MVB12B: variants seen among roughly 807,000 people sequenced by gnomAD.
MVB12B encodes ESCRT-I complex subunit MVB12B.
A neutral mutation model predicts 41.6 loss-of-function variants in MVB12B; 16 were observed. The observed-to-expected ratio is 0.38, with a 90% confidence interval of 0.26 to 0.58. The LOEUF is 0.58. Ranked by LOEUF, MVB12B falls within the 20% of genes least tolerant of loss-of-function variation. MVB12B has a pLI of 0.62. For synonymous variants in MVB12B, 133 were observed against 139.7 expected (o/e 0.95, Z 0.34); for missense variants, 274 against 380.2 (o/e 0.72, Z 2.32).
At chr9:126,433,332 C>A (rs1437351433) in intron 7 of MVB12B, among the ~76,000 whole-genome samples, 1 of 149,804 alleles carries the variant, frequency 6.7e-6, no homozygotes, top group Non-Finnish European at 1.5e-5. Flanking sequence ...CACCAGGTAT[C>A]CCCTTTGATA....
intron 7 of MVB12B, 31 bp downstream of exon 7, chr9:126,421,979 C>CTGTGTAT (rs749571023): frequency 1.3e-6 from 2 of 1,536,798 alleles, no homozygotes; most frequent in Non-Finnish European, 1.8e-6. Flanking sequence ...AGGCCAGCTA[C>CTGTGTAT]AGAGTCTGTG....
At chr9:126,345,277 G>C (rs756705114) in intron 2 of MVB12B, among the ~76,000 whole-genome samples, 1 of 152,170 alleles carries the variant, frequency 6.6e-6, no homozygotes, top group African/African-American at 2.4e-5. Context: ...CTGCATCCTG[G>C]TCTTAGACTA....
At chr9:126,456,635 T>A (rs1832990707) in intron 7 of MVB12B, among the ~76,000 whole-genome samples, 1 of 152,142 alleles carries the variant, frequency 6.6e-6, no homozygotes, top group Non-Finnish European at 1.5e-5. Flanking sequence ...AAAGACTGCC[T>A]GAGAGTGGGA....
At chr9:126,493,385 G>A (rs867030348) in intron 9 of MVB12B, among the ~76,000 whole-genome samples, 12 of 151,966 alleles carry the variant, frequency 7.9e-5, no homozygotes, top group African/African-American at 1.9e-4. Flanking sequence ...TCTTGATTCC[G>A]TTCTGCTCTG....
At chr9:126,431,488 C>T (rs1278343923) in intron 7 of MVB12B, among the ~76,000 whole-genome samples, 1 of 152,122 alleles carries the variant, frequency 6.6e-6, no homozygotes, top group East Asian at 1.9e-4. Context: ...TTCCTGTGCC[C>T]CATGGGTAGG....
intron 9 of MVB12B, among the ~76,000 whole-genome samples, chr9:126,496,752 C>A (rs1346536802): frequency 6.6e-6 from 1 of 152,116 alleles, no homozygotes; most frequent in Non-Finnish European, 1.5e-5. Context: ...GGATGTGGGG[C>A]TCAGGGCTCT....
intron 6 of MVB12B, among the ~76,000 whole-genome samples, chr9:126,400,531 C>G (rs1234756838): frequency 6.6e-6 from 1 of 152,168 alleles, no homozygotes; most frequent in Non-Finnish European, 1.5e-5. Flanking sequence ...CTCTCCCCAC[C>G]TACAGAAATT....
intron 5 of MVB12B, among the ~76,000 whole-genome samples, chr9:126,393,569 T>C (rs982813127): frequency 6.6e-6 from 1 of 152,198 alleles, no homozygotes; most frequent in African/African-American, 2.4e-5. Flanking sequence ...GGAAGTAGGA[T>C]CAGCTCCATT....
At chr9:126,398,519 A>G (rs1831182175) in intron 6 of MVB12B, among the ~76,000 whole-genome samples, 1 of 152,198 alleles carries the variant, frequency 6.6e-6, no homozygotes, top group Admixed American at 6.5e-5. Flanking sequence ...TACTTTTTAC[A>G]TAGGTGATAT....
chr9:126,376,943 C>A lies in MVB12B; in HGVS notation c.205-4121C>A, dbSNP rs1191436112. Among the ~76,000 whole-genome samples, 1 of 148,566 alleles carries A rather than the reference C, an allele frequency of 6.7e-6. No homozygotes were observed. Among genetic ancestry groups the A allele is most frequent in the Non-Finnish European group, 1.5e-5 (1 of 67,150 alleles). On this transcript the variant is annotated intron_variant, in intron 2 of 9. Coordinates refer to ENST00000361171, the MANE Select transcript of MVB12B (RefSeq NM_033446.3). This position sits in a 1 kb window ranked among gnomAD's most constrained non-coding sequence, Gnocchi z 4.1. Reference sequence around the variant, plus strand: ...CCCACCCCAATGGTGTCTGGTGATTCTGGATCCTGGGGCTCTGCTCAGTAT... The same window carrying A: ...CCCACCCCAATGGTGTCTGGTGATTATGGATCCTGGGGCTCTGCTCAGTAT...
intron 6 of MVB12B, among the ~76,000 whole-genome samples, chr9:126,419,799 G>C (rs981331559): frequency 2.6e-5 from 4 of 152,146 alleles, no homozygotes; most frequent in Non-Finnish European, 4.4e-5. Context: ...ATAGATTTCT[G>C]GGCTGCACCC....
chr9:126,469,188 A>T (rs185609716), intron 7 of MVB12B, among the ~76,000 whole-genome samples: 57 of 152,226 alleles, frequency 3.7e-4, no homozygotes, highest in African/African-American at 1.3e-3. Flanking sequence ...AAAAATAAAA[A>T]AATAATATTC....
chr9:126,338,854 A>G (rs999899064), intron 1 of MVB12B, among the ~76,000 whole-genome samples: 1 of 152,210 alleles, frequency 6.6e-6, no homozygotes, highest in Non-Finnish European at 1.5e-5. Flanking sequence ...ACATGCACTA[A>G]GTAAATATTC....
At chr9:126,413,989 A>G (rs7036323) in intron 6 of MVB12B, among the ~76,000 whole-genome samples, 149,254 of 152,296 alleles carry the variant, frequency 0.98, 73,216 homozygotes, top group Middle Eastern at 1. Context: ...GGGCAGAACC[A>G]TCTTCATTAT....
At chr9:126,441,637 G>A (rs1832642937) in intron 7 of MVB12B, among the ~76,000 whole-genome samples, 1 of 152,208 alleles carries the variant, frequency 6.6e-6, no homozygotes, top group Non-Finnish European at 1.5e-5. Context: ...GAATGGGACT[G>A]ATTATTATAT....
intron 7 of MVB12B, among the ~76,000 whole-genome samples, chr9:126,425,793 C>A (rs1012251200): frequency 4.6e-5 from 7 of 152,282 alleles, no homozygotes; most frequent in Admixed American, 2.6e-4. Flanking sequence ...TCATGTCCCC[C>A]ATCAGTGTGT....
intron 4 of MVB12B, among the ~76,000 whole-genome samples, chr9:126,388,231 A>T (rs1460629860): frequency 1.3e-5 from 2 of 152,046 alleles, no homozygotes; most frequent in Non-Finnish European, 2.9e-5. Flanking sequence ...GCAACCACTG[A>T]TCTACTTTCT....
chr9:126,425,556 A>G (rs1011877145), intron 7 of MVB12B, among the ~76,000 whole-genome samples: 4 of 152,246 alleles, frequency 2.6e-5, no homozygotes, highest in African/African-American at 4.8e-5. Flanking sequence ...AGTTTACTGC[A>G]GAGCACTTCC....
chr9:126,441,813 T>G (rs538459624), intron 7 of MVB12B, among the ~76,000 whole-genome samples: 10 of 152,338 alleles, frequency 6.6e-5, no homozygotes, highest in African/African-American at 2.4e-4. Context: ...CATATGCAAA[T>G]GTGATTTACC....
Sources: allele counts gnomAD v4.1 joint callset (sites outside exome capture counted in the v4.1 genomes callset), GRCh38; gene constraint gnomAD v4.1.1; non-coding constraint Gnocchi (gnomAD v3.1); transcripts MANE v1.5; gene names NCBI Gene and HGNC (gene_info 2026-07-23, HGNC 2026-07-21).